The following IMMP1L variants were observed in gnomAD, a reference collection of about 807,000 sequenced individuals.
IMMP1L encodes mitochondrial inner membrane protease subunit 1.
In IMMP1L, 24 loss-of-function variants were observed where a neutral mutation model predicts 21.8. The ratio of observed to expected loss-of-function variants is 1.10; its 90% CI spans 0.80 to 1.55. IMMP1L has a LOEUF of 1.55. IMMP1L is among the 40% of genes most tolerant of loss of function. The pLI is 0.00. For missense variants in IMMP1L, 195 were observed against 200.7 expected, an observed-to-expected ratio of 0.97 and a Z score of 0.17; for synonymous variants, 46 against 62.8, an observed-to-expected ratio of 0.73 and a Z score of 1.26.
chr11:31,476,469 T>C (rs770221912), intron 1 of IMMP1L, among the ~76,000 whole-genome samples: 6 of 152,114 alleles, frequency 3.9e-5, no homozygotes, highest in Non-Finnish European at 8.8e-5. Context: ...TAAACAGAGG[T>C]GGTAGTACAT....
At chr11:31,442,597 A>G (rs1374262299) in intron 4 of IMMP1L, among the ~76,000 whole-genome samples, 1 of 152,246 alleles carries the variant, frequency 6.6e-6, no homozygotes, top group African/African-American at 2.4e-5. Flanking sequence ...TATATTTTAT[A>G]GTTTACAACC....
intron 4 of IMMP1L, among the ~76,000 whole-genome samples, chr11:31,435,626 G>C (rs901449364): frequency 8.6e-5 from 13 of 152,044 alleles, no homozygotes; most frequent in Non-Finnish European, 1.9e-4. Flanking sequence ...TCTTCTTTTC[G>C]TGTTTAAGAG....
chr11:31,488,750 T>G (rs1311150567), intron 1 of IMMP1L, among the ~76,000 whole-genome samples: 3 of 152,158 alleles, frequency 2.0e-5, no homozygotes, highest in Non-Finnish European at 4.4e-5. Context: ...AAAAACCTTG[T>G]GACCAGTTAT....
chr11:31,451,464 G>C (rs1316189757), intron 4 of IMMP1L, among the ~76,000 whole-genome samples: 3 of 152,142 alleles, frequency 2.0e-5, no homozygotes, highest in Non-Finnish European at 2.9e-5. Context: ...ATATATAGAA[G>C]GTATAATCAT....
intron 1 of IMMP1L, among the ~76,000 whole-genome samples, chr11:31,506,036 C>T (rs545557308): frequency 1.3e-5 from 2 of 152,212 alleles, no homozygotes; most frequent in East Asian, 1.9e-4. Flanking sequence ...GGTCGACACC[C>T]CTGATCCGCA....
At chr11:31,449,354 G>A (rs1953660474) in intron 4 of IMMP1L, among the ~76,000 whole-genome samples, 1 of 152,112 alleles carries the variant, frequency 6.6e-6, no homozygotes, top group Admixed American at 6.5e-5. Context: ...AGAATATTCA[G>A]GGTTTCAAAC....
chr11:31,471,507 A>T (rs1954549159), intron 1 of IMMP1L, among the ~76,000 whole-genome samples: 2 of 152,124 alleles, frequency 1.3e-5, no homozygotes, highest in South Asian at 4.1e-4. Flanking sequence ...ATGCTAAATT[A>T]TATATATATC....
chr11:31,461,821 G>C (rs948283060), intron 2 of IMMP1L, among the ~76,000 whole-genome samples: 1 of 151,930 alleles, frequency 6.6e-6, no homozygotes, highest in Non-Finnish European at 1.5e-5. Flanking sequence ...TTCAGATAAG[G>C]GATACTCAAA....
intron 1 of IMMP1L, among the ~76,000 whole-genome samples, chr11:31,476,459 T>C (rs560106547): frequency 1.3e-5 from 2 of 152,132 alleles, no homozygotes; most frequent in South Asian, 4.1e-4. Context: ...ATACTACACA[T>C]AAACAGAGGT....
chr11:31,458,188 T>C (rs1380516483), intron 3 of IMMP1L, among the ~76,000 whole-genome samples: 2 of 152,166 alleles, frequency 1.3e-5, no homozygotes, highest in Admixed American at 1.3e-4. Flanking sequence ...ATAAACTTTA[T>C]TTCTGGTAGT....
chr11:31,434,417 A>C (rs1953043242), intron 4 of IMMP1L, among the ~76,000 whole-genome samples: 1 of 152,142 alleles, frequency 6.6e-6, no homozygotes, highest in Non-Finnish European at 1.5e-5. Flanking sequence ...ACAATCTTTA[A>C]AATTGCTTTT....
At chr11:31,493,658 A>T (rs1955330058) in intron 1 of IMMP1L, among the ~76,000 whole-genome samples, 1 of 152,178 alleles carries the variant, frequency 6.6e-6, no homozygotes, top group Non-Finnish European at 1.5e-5. Flanking sequence ...CTCATCTGAG[A>T]CAAGGCAAAT....
intron 1 of IMMP1L, among the ~76,000 whole-genome samples, chr11:31,494,702 T>C (rs2133803609): frequency 6.6e-6 from 1 of 152,166 alleles, no homozygotes; most frequent in South Asian, 2.1e-4. Context: ...AGAGCAGTGG[T>C]GTGATCTAGG....
intron 4 of IMMP1L, among the ~76,000 whole-genome samples, chr11:31,448,523 C>T (rs2133594590): frequency 6.6e-6 from 1 of 152,214 alleles, no homozygotes; most frequent in East Asian, 1.9e-4. Flanking sequence ...GATAAAAATA[C>T]ATATAATATT....
intron 1 of IMMP1L, among the ~76,000 whole-genome samples, chr11:31,497,833 G>A (rs1955504701): frequency 6.6e-6 from 1 of 152,150 alleles, no homozygotes; most frequent in African/African-American, 2.4e-5. Context: ...CTCTTAATGT[G>A]ACTTCACTTA....
In IMMP1L at chr11:31,432,577, T is replaced by C; in HGVS notation, c.433-9A>G. ...TCACTCAGAGGCCAAATCTGTAAAA[T>C]CAAAATGAGGTTGAAGACAATTAGT... On this transcript the variant is annotated splice_polypyrimidine_tract_variant and intron_variant, in intron 5 of 5. Coordinates refer to ENST00000532287, the MANE Select transcript of IMMP1L (RefSeq NM_001304274.2). 6.3e-7 allele frequency: 1 copy of C among 1,599,880 alleles called. No homozygotes were observed. The highest frequency in any genetic ancestry group is 1.7e-5 in the Admixed American group (1 of 59,976).
Position 31,463,178 on chromosome 11 carries a change from A to G in IMMP1L, c.99T>C (p.Val33=). The G allele has an allele frequency of 3.1e-6, 5 of 1,601,050 alleles. No homozygotes were observed. The highest frequency in any genetic ancestry group is 1.7e-6 in the Non-Finnish European group (2 of 1,175,062). The change falls in exon 2 of 6, where the codon GTT becomes GTC. Residue 33 remains valine, a synonymous_variant. Transcript: ENST00000532287. The stretch of plus-strand genomic sequence containing the variant: ...CTTGAACATAAAAACTTACCATGAC[A>G]ACACCACCAACGTATTCAAAAGCAC... ...AHCAFEYVGG[V]VMCSGPSMEP... is the part of the protein sequence containing the mutation.
At chr11:31,482,488 G>T (rs901407667) in intron 1 of IMMP1L, among the ~76,000 whole-genome samples, 10 of 151,874 alleles carry the variant, frequency 6.6e-5, no homozygotes, top group Non-Finnish European at 1.5e-5. Context: ...AATATATAAA[G>T]AACTCCCACA....
chr11:31,433,209 T>C (rs779145847), intron 5 of IMMP1L, among the ~76,000 whole-genome samples: 46 of 152,182 alleles, frequency 3.0e-4, no homozygotes, highest in Non-Finnish European at 5.7e-4. Flanking sequence ...AACTGAACTT[T>C]TGGAAATTCA....
Sources: gnomAD v4.1 joint callset for allele counts (sites outside exome capture counted in the v4.1 genomes callset) on GRCh38, gnomAD v4.1.1 for gene constraint, MANE v1.5 for transcripts, NCBI Gene and HGNC (gene_info 2026-07-23, HGNC 2026-07-21) for gene names.